The following OR4E2 variants were observed in gnomAD, a reference collection of about 807,000 sequenced individuals.
The protein encoded by OR4E2 is olfactory receptor family 4 subfamily E member 2.
A neutral mutation model predicts 11.0 loss-of-function variants in OR4E2; 9 were observed. That is an observed-to-expected ratio of 0.82 (90% confidence interval 0.49 to 1.43). OR4E2 has a LOEUF of 1.43. OR4E2 is among the 40% of genes most tolerant of loss of function. OR4E2 has a pLI of 0.00. For synonymous variants in OR4E2, 159 were observed against 147.3 expected (o/e 1.08, Z -0.57); for missense variants, 441 against 382.0 (o/e 1.15, Z -1.29).
chr14:21,653,894 G>T lies in OR4E2; in HGVS notation c.-236G>T, dbSNP rs1362656064. The stretch of plus-strand genomic sequence containing the variant: ...TTTATATCCTAGGCTTCTATAATAG[G>T]GTATCAGAGGCGAATGGAATCATTA... On this transcript the variant is annotated 5_prime_UTR_variant, in exon 1 of 4. Coordinates refer to ENST00000641524, the MANE Select transcript of OR4E2 (RefSeq NM_001001912.3). 1.3e-5 allele frequency: 2 copies of T among 152,100 alleles called. No homozygotes were observed. The highest frequency in any genetic ancestry group is 4.8e-5 in the African/African-American group (2 of 41,402). 9.4% of individuals were successfully genotyped at this position (152,100 alleles called of 1,614,324 possible). A position where few individuals can be genotyped will look rare whatever the true frequency, so the allele number is the denominator to read the frequency against.
At chr14:21,664,403 G>A (rs1004318431) in intron 3 of OR4E2, among the ~76,000 whole-genome samples, 1 of 152,142 alleles carries the variant, frequency 6.6e-6, no homozygotes, top group African/African-American at 2.4e-5. Context: ...TTTGAGAAGT[G>A]TCTGTTCATG....
At chr14:21,660,330 A>G (rs1265294267) in intron 2 of OR4E2, among the ~76,000 whole-genome samples, 2 of 152,170 alleles carry the variant, frequency 1.3e-5, no homozygotes, top group Admixed American at 1.3e-4. Flanking sequence ...CCTGGTACCC[A>G]TCTGTGGCCC....
In OR4E2 at chr14:21,666,119, G is replaced by C; in HGVS notation, c.*95G>C. On this transcript the variant is annotated 3_prime_UTR_variant, in exon 4 of 4. Transcript: ENST00000641524. ...TCAACTTATATAACTTGGTAAATTA[G>C]GTAAAATGGCATAGAGCAGGTCAGA... is the stretch of plus-strand genomic sequence containing the variant. 1 of 848,148 alleles carries C rather than the reference G, an allele frequency of 1.2e-6. No individual in the cohort carries two copies. Among genetic ancestry groups the C allele is most frequent in the Non-Finnish European group, 1.9e-6 (1 of 538,188 alleles). 52.5% of individuals were successfully genotyped at this position (848,148 alleles called of 1,614,324 possible).
rs753022223 is a variant in OR4E2, at chr14:21,665,857, A to G, written c.775A>G (p.Thr259Ala). Residue 259 changes from threonine (T) to alanine (A), a missense_variant, in exon 4 of 4, where the codon ACT (threonine) becomes GCT (alanine). By Grantham distance (58) the Thr-to-Ala change is moderately conservative. Transcript: ENST00000641524. ...CTTTGGGCCATGTATCTTCATCTATACTCGGCCAGACACCAGCTTCTCCAT... is the reference window on the plus strand; with the variant it reads ...CTTTGGGCCATGTATCTTCATCTATGCTCGGCCAGACACCAGCTTCTCCAT... Reference protein sequence around the residue: ...LFFGPCIFIYTRPDTSFSIDK... With the variant: ...LFFGPCIFIYARPDTSFSIDK... 42 of 1,608,580 alleles carry G rather than the reference A, an allele frequency of 2.6e-5. No individual in the cohort carries two copies. Among genetic ancestry groups the G allele is most frequent in the Non-Finnish European group, 3.6e-5 (42 of 1,177,272 alleles).
chr14:21,656,289 A>C (rs1329271968), intron 1 of OR4E2, among the ~76,000 whole-genome samples: 4 of 152,012 alleles, frequency 2.6e-5, no homozygotes, highest in Non-Finnish European at 5.9e-5. Flanking sequence ...AAGCCCAGGA[A>C]GTTGAGGCTG....
intron 3 of OR4E2, among the ~76,000 whole-genome samples, chr14:21,663,389 A>G (rs907089368): frequency 2.0e-5 from 3 of 151,996 alleles, no homozygotes. Flanking sequence ...CTGAGATAGG[A>G]GAATGGTGTG....
In OR4E2 at chr14:21,657,436, TTTCTTTCC is replaced by T. The variant is rs1161556695; in HGVS notation, c.-103+851_-103+858del. Among the ~76,000 whole-genome samples, 201 of 97,092 alleles carry T rather than the reference TTTCTTTCC, an allele frequency of 2.1e-3. 1 individual carries two copies. Among genetic ancestry groups the T allele is most frequent in the African/African-American group, 6.5e-3 (161 of 24,880 alleles). The allele number at this position is 97,092 out of a possible 152,430, so 63.7% of individuals were successfully genotyped here. The stretch of plus-strand genomic sequence containing the variant: ...TTTCTTTCTTTCTCTTTCTTTCTTC[TTTCTTTCC>T]TTCCTTCCTTCCTTCCTTCCTTCCT... On this transcript the variant is annotated intron_variant, in intron 2 of 3. Transcript: ENST00000641524.
At chr14:21,663,011 G>T (rs1047050399) in intron 3 of OR4E2, among the ~76,000 whole-genome samples, 2 of 152,128 alleles carry the variant, frequency 1.3e-5, no homozygotes, top group East Asian at 3.8e-4. Context: ...GTAATTTAAA[G>T]AAGTAAGTTT....
At chr14:21,654,416 GCA>G (rs1360394821) in intron 1 of OR4E2, among the ~76,000 whole-genome samples, 1 of 132,324 alleles carries the variant, frequency 7.6e-6, no homozygotes, top group Non-Finnish European at 1.7e-5. Flanking sequence ...ACACACACAT[GCA>G]CACACACGCT....
rs755045742 is a variant in OR4E2 at position 21,665,808 on chromosome 14, C to T, written c.726C>T (p.Ala242=). Residue 242 remains alanine (A), a synonymous_variant, in exon 4 of 4, where the codon GCC becomes GCT. Transcript: ENST00000641524. ...GRRKALSTCS[A]HFMVVALFFG... ...GGAAAGCCCTGTCTACCTGCTCGGC[C>T]CACTTCATGGTGGTTGCCCTCTTCT... The T allele has an allele frequency of 1.1e-5, 17 of 1,613,620 alleles. No individual in the cohort carries two copies. The highest frequency in any genetic ancestry group is 1.4e-5 in the Non-Finnish European group (17 of 1,179,722).
At chr14:21,661,731 A>C (rs1292394852) in intron 3 of OR4E2, among the ~76,000 whole-genome samples, 1 of 152,232 alleles carries the variant, frequency 6.6e-6, no homozygotes. Context: ...TTAATAGCTC[A>C]TAATATTCCA....
rs771078421 is a variant in OR4E2 at position 21,665,452 on chromosome 14, G to A, written c.370G>A (p.Val124Met). ...LLIIMAYDRY[V>M]AICTPLHYPN... ...GATCATTATGGCGTATGATCGTTAC[G>A]TGGCTATCTGCACTCCACTCCACTA... Residue 124 changes from valine (V) to methionine (M), a missense_variant, in exon 4 of 4, where the codon GTG becomes ATG. Physicochemically the swap from Val to Met is conservative, Grantham distance 21. Transcript: ENST00000641524. The A allele has an allele frequency of 1.1e-4, 178 of 1,613,928 alleles. No individual in the cohort carries two copies. The highest frequency in any genetic ancestry group is 8.3e-4 in the South Asian group (76 of 91,052).
In OR4E2 at chr14:21,665,582, C is replaced by T. The variant is rs757746033; in HGVS notation, c.500C>T (p.Pro167Leu). 7 of 1,613,938 alleles carry T rather than the reference C, an allele frequency of 4.3e-6. No homozygotes were observed. In the Admixed American group the frequency reaches 1.2e-4, roughly 27 times the overall value. ...LGQTFLTIRL[P>L]YCGPNIIDSY... ...CAGACCTTCTTGACTATTCGTCTAC[C>T]TTACTGTGGCCCCAACATTATTGAC... The change falls in exon 4 of 4, where the codon CCT (proline) becomes CTT (leucine). Residue 167 changes from proline (P) to leucine (L), a missense_variant. By Grantham distance (98) the Pro-to-Leu change is moderately conservative (BLOSUM62 -3). Transcript: ENST00000641524.
At chr14:21,655,180 TAAAG>T (rs954719189) in intron 1 of OR4E2, among the ~76,000 whole-genome samples, 3 of 152,032 alleles carry the variant, frequency 2.0e-5, no homozygotes, top group African/African-American at 7.3e-5. Flanking sequence ...ATAATGAAAA[TAAAG>T]AGACTTGCTC....
chr14:21,662,070 C>G lies in OR4E2; in HGVS notation c.-9+1324C>G, dbSNP rs570718928. 1.4e-4 allele frequency among the ~76,000 whole-genome samples: 21 copies of G among 152,148 alleles called. 1 individual carries two copies. Among genetic ancestry groups the G allele is most frequent in the Admixed American group, 9.8e-4 (15 of 15,280 alleles). Reference sequence around the variant, plus strand: ...AAAAGTATTTGATTTTCTTTTTAATCTATTACTAATTAAGCATATTTTTAT... The same window carrying G: ...AAAAGTATTTGATTTTCTTTTTAATGTATTACTAATTAAGCATATTTTTAT... On this transcript the variant is annotated intron_variant, in intron 3 of 3. Coordinates refer to ENST00000641524, the MANE Select transcript of OR4E2 (RefSeq NM_001001912.3).
rs746879929 is a variant in OR4E2, at chr14:21,665,926, C to A, written c.844C>A (p.Leu282Met). 5 of 1,613,384 alleles carry A rather than the reference C, an allele frequency of 3.1e-6. No homozygotes were observed. The South Asian group carries it at 5.5e-5, about 18-fold the overall frequency. The change falls in exon 4 of 4, where the codon CTG becomes ATG. Residue 282 changes from leucine (L) to methionine (M), a missense_variant. Transcript: ENST00000641524. ...CTTCTACACAGTGGTCACCCCTTTG[C>A]TGAATCCCTTCATTTACACCTTGAG... is the stretch of plus-strand genomic sequence containing the variant. ...SVFYTVVTPL[L>M]NPFIYTLRNE... is the part of the protein sequence containing the mutation.
At chr14:21,654,388 ACACACACACGCATG>A (rs1247662483) in intron 1 of OR4E2, among the ~76,000 whole-genome samples, 5 of 151,208 alleles carry the variant, frequency 3.3e-5, no homozygotes, top group Non-Finnish European at 4.4e-5. Flanking sequence ...ACGCATGCAC[ACACACACACGCATG>A]CACACACACA....
chr14:21,666,308 G>T lies in OR4E2; in HGVS notation c.*284G>T. 1 of 315,386 alleles carries T rather than the reference G, an allele frequency of 3.2e-6. No individual in the cohort carries two copies. Among genetic ancestry groups the T allele is most frequent in the Non-Finnish European group, 5.8e-6 (1 of 171,108 alleles). 19.5% of individuals were successfully genotyped at this position (315,386 alleles called of 1,614,324 possible). On this transcript the variant is annotated 3_prime_UTR_variant, in exon 4 of 4. Transcript: ENST00000641524. ...TTCATCAGTAAAAGAATACAATTTG[G>T]GGAACTCAGTTCAGTCTCAGTTTCA...
At chr14:21,660,029 G>A (rs1880229958) in intron 2 of OR4E2, among the ~76,000 whole-genome samples, 1 of 152,090 alleles carries the variant, frequency 6.6e-6, no homozygotes, top group Non-Finnish European at 1.5e-5. Context: ...AAGACATCAA[G>A]GGGGTGAGGG....
Sources: gnomAD v4.1 joint callset for allele counts (sites outside exome capture counted in the v4.1 genomes callset) on GRCh38, gnomAD v4.1.1 for gene constraint, MANE v1.5 for transcripts, NCBI Gene and HGNC (gene_info 2026-07-23, HGNC 2026-07-21) for gene names.